Variants in RFTN1 observed in about 807,000 individuals in gnomAD.
RFTN1 encodes raftlin.
RFTN1 carries 26 observed loss-of-function variants against 46.5 expected under a neutral mutation model. The ratio of observed to expected loss-of-function variants is 0.56; its 90% CI spans 0.41 to 0.78. RFTN1 has a LOEUF of 0.78. RFTN1 is among the 30% of genes least tolerant of loss of function. The pLI is 0.00. For synonymous variants in RFTN1, 261 were observed against 284.2 expected (o/e 0.92, Z 0.82); for missense variants, 693 against 718.7 (o/e 0.96, Z 0.41).
chr3:16,426,321 G>C lies in RFTN1; in HGVS notation c.332+7530C>G, dbSNP rs2075289717. 6.6e-6 allele frequency among the ~76,000 whole-genome samples: 1 copy of C among 152,108 alleles called. No homozygotes were observed. The highest frequency in any genetic ancestry group is 1.5e-5 in the Non-Finnish European group (1 of 68,030). ...TCTAGAAGCCCTATAATTCTCCCAA[G>C]AGTCAAGGTAATTGGTAAAAATTAG... On this transcript the variant is annotated intron_variant, in intron 3 of 9. Transcript: ENST00000334133. The surrounding 1 kb of genome is among the most constrained non-coding windows in gnomAD (Gnocchi z 5.9).
Position 16,317,252 on chromosome 3 carries a change from G to A in RFTN1, c.1333-20C>T. 1 of 1,608,262 alleles carries A rather than the reference G, an allele frequency of 6.2e-7. No individual in the cohort carries two copies. Among genetic ancestry groups the A allele is most frequent in the South Asian group, 1.1e-5 (1 of 90,740 alleles). On this transcript the variant is annotated intron_variant, in intron 9 of 9. Coordinates refer to ENST00000334133, the MANE Select transcript of RFTN1 (RefSeq NM_015150.2). The surrounding 1 kb of genome is among the most constrained non-coding windows in gnomAD (Gnocchi z 4.3). Reference sequence around the variant, plus strand: ...CTGAAACTAGAAATCAGAAAGGATGGGGATAAATAACAAGCCTCCGGGAAC... The same window carrying A: ...CTGAAACTAGAAATCAGAAAGGATGAGGATAAATAACAAGCCTCCGGGAAC...
Position 16,329,604 on chromosome 3 carries a change from A to G in RFTN1, c.1147-2728T>C, listed in dbSNP as rs536365177. ...ATTCCTCCTGCTGGGTGCCACGCTC[A>G]CCACCTGCTGAAGGAGTCCTGAGGC... On this transcript the variant is annotated intron_variant, in intron 7 of 9. Coordinates refer to ENST00000334133, the MANE Select transcript of RFTN1 (RefSeq NM_015150.2). This position sits in a 1 kb window ranked among gnomAD's most constrained non-coding sequence, Gnocchi z 4.5. Among the ~76,000 whole-genome samples the G allele has an allele frequency of 2.6e-5, 4 of 152,220 alleles. No individual in the cohort carries two copies. The highest frequency in any genetic ancestry group is 9.6e-5 in the African/African-American group (4 of 41,536).
chr3:16,406,636 G>A lies in RFTN1; in HGVS notation c.441+2739C>T, dbSNP rs553362684. Among the ~76,000 whole-genome samples, 19 of 152,282 alleles carry A rather than the reference G, an allele frequency of 1.2e-4. No individual in the cohort carries two copies. In the South Asian group the frequency reaches 2.3e-3, roughly 18 times the overall value. On this transcript the variant is annotated intron_variant, in intron 4 of 9. Coordinates refer to ENST00000334133, the MANE Select transcript of RFTN1 (RefSeq NM_015150.2). ...CTTTAAAGCCTATTATTTTCAAAACGTTAAGAACAGAATTCTTACTATAAG... is the reference window on the plus strand; with the variant it reads ...CTTTAAAGCCTATTATTTTCAAAACATTAAGAACAGAATTCTTACTATAAG...
intron 6 of RFTN1, among the ~76,000 whole-genome samples, chr3:16,367,075 C>T (rs1395065209): frequency 6.6e-6 from 1 of 152,212 alleles, no homozygotes; most frequent in Non-Finnish European, 1.5e-5. Context: ...GCTGAAACAT[C>T]ACCTTGTTTA....
At chr3:16,485,359 C>T (rs1166612874) in intron 2 of RFTN1, among the ~76,000 whole-genome samples, 10 of 151,876 alleles carry the variant, frequency 6.6e-5, no homozygotes, top group Non-Finnish European at 1.5e-4. Context: ...TAAAACAGCA[C>T]GGACTCCATA....
Position 16,356,569 on chromosome 3 carries a change from G to A in RFTN1, c.1146+1363C>T, listed in dbSNP as rs1001219138. 6.6e-6 allele frequency among the ~76,000 whole-genome samples: 1 copy of A among 152,160 alleles called. No individual in the cohort carries two copies. Among genetic ancestry groups the A allele is most frequent in the Admixed American group, 6.5e-5 (1 of 15,282 alleles). ...CTTCAAAGCTGAGTAATAGTGTCCC[G>A]GGGGACATCCAACTCACCCCCCACC... On this transcript the variant is annotated intron_variant, in intron 7 of 9. Coordinates refer to ENST00000334133, the MANE Select transcript of RFTN1 (RefSeq NM_015150.2). The surrounding 1 kb of genome is among the most constrained non-coding windows in gnomAD (Gnocchi z 4.9).
rs887200277 is a variant in RFTN1 at position 16,506,347 on chromosome 3, GC to G, written c.-9+7094del. Among the ~76,000 whole-genome samples the G allele has an allele frequency of 6.6e-6, 1 of 152,126 alleles. No individual in the cohort carries two copies. Among genetic ancestry groups the G allele is most frequent in the African/African-American group, 2.4e-5 (1 of 41,430 alleles). On this transcript the variant is annotated intron_variant, in intron 1 of 9. Transcript: ENST00000334133. This position sits in a 1 kb window ranked among gnomAD's most constrained non-coding sequence, Gnocchi z 4.8. ...GCTGGGGAGACAGAGCGTAGGCCTG[GC>G]CGGGCCGTGAGCACTTCAGCTTTAC...
rs2075210350 is a variant in RFTN1 at position 16,422,673 on chromosome 3, A to G, written c.332+11178T>C. ...GCCCTACTGGATGTTAACATACATT[A>G]CAAATTTATTATCATCAAAATAACA... On this transcript the variant is annotated intron_variant, in intron 3 of 9. Transcript: ENST00000334133. The surrounding 1 kb of genome is among the most constrained non-coding windows in gnomAD (Gnocchi z 4.6). 6.6e-6 allele frequency among the ~76,000 whole-genome samples: 1 copy of G among 152,142 alleles called. No homozygotes were observed. The highest frequency in any genetic ancestry group is 6.6e-5 in the Admixed American group (1 of 15,266).
chr3:16,397,649 C>A (rs867945808), intron 4 of RFTN1, among the ~76,000 whole-genome samples: 1 of 152,042 alleles, frequency 6.6e-6, no homozygotes, highest in Admixed American at 6.5e-5. Context: ...ACTGACCACA[C>A]CCCCGCCCAC....
chr3:16,373,968 T>C (rs189411119), intron 5 of RFTN1, among the ~76,000 whole-genome samples: 483 of 152,240 alleles, frequency 3.2e-3, no homozygotes, highest in African/African-American at 0.011. Context: ...TGGGTACTAA[T>C]AGCAGGTACT....
At chr3:16,508,594 A>G (rs1489454419) in intron 1 of RFTN1, among the ~76,000 whole-genome samples, 2 of 152,226 alleles carry the variant, frequency 1.3e-5, no homozygotes, top group East Asian at 3.8e-4. Flanking sequence ...TTGATAAAAC[A>G]TGCAATGCTA....
In RFTN1 at chr3:16,337,097, C is replaced by G. The variant is rs569525392; in HGVS notation, c.1147-10221G>C. ...TAGGCCTCAAGGAGCCTTGCTGTTTCTGCTCACTCTCCAGGAACCCTGCCT... is the reference window on the plus strand; with the variant it reads ...TAGGCCTCAAGGAGCCTTGCTGTTTGTGCTCACTCTCCAGGAACCCTGCCT... On this transcript the variant is annotated intron_variant, in intron 7 of 9. Transcript: ENST00000334133. The surrounding 1 kb of genome is among the most constrained non-coding windows in gnomAD (Gnocchi z 5.0). 1 of 152,362 alleles carries G rather than the reference C, an allele frequency of 6.6e-6. No individual in the cohort carries two copies. Among genetic ancestry groups the G allele is most frequent in the Admixed American group, 6.5e-5 (1 of 15,306 alleles). 9.4% of individuals were successfully genotyped at this position (152,362 alleles called of 1,614,324 possible). A position where few individuals can be genotyped will look rare whatever the true frequency, so the allele number is the denominator to read the frequency against.
intron 6 of RFTN1, among the ~76,000 whole-genome samples, chr3:16,369,232 G>A (rs2073385219): frequency 6.6e-6 from 1 of 152,228 alleles, no homozygotes; most frequent in South Asian, 2.1e-4. Flanking sequence ...CTCTGTTCGT[G>A]ACTCTGTTAA....
Position 16,348,284 on chromosome 3 carries a change from G to A in RFTN1, c.1146+9648C>T, listed in dbSNP as rs73142394. On this transcript the variant is annotated intron_variant, in intron 7 of 9. Transcript: ENST00000334133. This position sits in a 1 kb window ranked among gnomAD's most constrained non-coding sequence, Gnocchi z 6.3. The stretch of plus-strand genomic sequence containing the variant: ...ACTGACATTATCCATAATCAGAGGC[G>A]TCTAGGAGATCACCCACATTATCTA... Among the ~76,000 whole-genome samples the A allele has an allele frequency of 0.039, 5,985 of 151,954 alleles. 371 individuals carry two copies. The highest frequency in any genetic ancestry group is 0.14 in the African/African-American group (5,599 of 41,378).
chr3:16,342,194 C>T lies in RFTN1; in HGVS notation c.1147-15318G>A, dbSNP rs1243774173. On this transcript the variant is annotated intron_variant, in intron 7 of 9. Transcript: ENST00000334133. This position sits in a 1 kb window ranked among gnomAD's most constrained non-coding sequence, Gnocchi z 4.0. Reference sequence around the variant, plus strand: ...AATACCCTGTACCTATTAGCAGTCACTCCCCTTTCCCCCCACCCACCCCGA... The same window carrying T: ...AATACCCTGTACCTATTAGCAGTCATTCCCCTTTCCCCCCACCCACCCCGA... Among the ~76,000 whole-genome samples, 2 of 152,130 alleles carry T rather than the reference C, an allele frequency of 1.3e-5. No homozygotes were observed. Among genetic ancestry groups the T allele is most frequent in the African/African-American group, 4.8e-5 (2 of 41,406 alleles).
chr3:16,393,093 A>G (rs528592061), intron 4 of RFTN1, among the ~76,000 whole-genome samples: 7 of 152,294 alleles, frequency 4.6e-5, no homozygotes, highest in Admixed American at 4.6e-4. Flanking sequence ...GACAAGAAAC[A>G]ATACACACAA....
rs1032006084 is a variant in RFTN1, at chr3:16,489,082, C to T, written c.145+4643G>A. Among the ~76,000 whole-genome samples, 3 of 152,078 alleles carry T rather than the reference C, an allele frequency of 2.0e-5. No homozygotes were observed. Among genetic ancestry groups the T allele is most frequent in the Non-Finnish European group, 2.9e-5 (2 of 68,014 alleles). The stretch of plus-strand genomic sequence containing the variant: ...AAGAGCTAGGTTTTGAAAAAGAGTA[C>T]GTACTATTTGATTCCATTTATATAA... On this transcript the variant is annotated intron_variant, in intron 2 of 9. Transcript: ENST00000334133. This position sits in a 1 kb window ranked among gnomAD's most constrained non-coding sequence, Gnocchi z 4.0.
Position 16,357,967 on chromosome 3 carries a change from C to T in RFTN1, c.1111G>A (p.Asp371Asn), listed in dbSNP as rs1020626735. 12 of 1,609,038 alleles carry T rather than the reference C, an allele frequency of 7.5e-6. No individual in the cohort carries two copies. The highest frequency in any genetic ancestry group is 1.0e-5 in the Non-Finnish European group (12 of 1,177,436). Reference protein sequence around the residue: ...TEDSKTIQGYDAIVVEQWTVL... With the variant: ...TEDSKTIQGYNAIVVEQWTVL... Reference sequence around the variant, plus strand: ...GTCCATTGTTCAACCACAATAGCATCATAGCCCTGTATGGTTTTGCTATCT... The same window carrying T: ...GTCCATTGTTCAACCACAATAGCATTATAGCCCTGTATGGTTTTGCTATCT... The change falls in exon 7 of 10, where the codon GAT becomes AAT. Residue 371 changes from aspartate (D) to asparagine (N), a missense_variant. Transcript: ENST00000334133.
At position 16,353,446 on chromosome 3, in the gene RFTN1, T is replaced by C. The variant is rs1019607747; in HGVS notation, c.1146+4486A>G. On this transcript the variant is annotated intron_variant, in intron 7 of 9. Coordinates refer to ENST00000334133, the MANE Select transcript of RFTN1 (RefSeq NM_015150.2). This position sits in a 1 kb window ranked among gnomAD's most constrained non-coding sequence, Gnocchi z 5.4. ...TGCTGGGCTGTGCTGGTTACAGAGCTGTCTACACTTAGTTCCCCTAAGACA... is the reference window on the plus strand; with the variant it reads ...TGCTGGGCTGTGCTGGTTACAGAGCCGTCTACACTTAGTTCCCCTAAGACA... Among the ~76,000 whole-genome samples the C allele has an allele frequency of 6.6e-6, 1 of 152,204 alleles. No individual in the cohort carries two copies. The highest frequency in any genetic ancestry group is 1.5e-5 in the Non-Finnish European group (1 of 68,034).
Sources: allele counts gnomAD v4.1 joint callset (sites outside exome capture counted in the v4.1 genomes callset), GRCh38; gene constraint gnomAD v4.1.1; non-coding constraint Gnocchi (gnomAD v3.1); transcripts MANE v1.5; gene names NCBI Gene and HGNC (gene_info 2026-07-23, HGNC 2026-07-21).